PRH1: variants seen among roughly 807,000 people sequenced by gnomAD.
PRH1 encodes salivary acidic proline-rich phosphoprotein 1/2.
A neutral mutation model predicts 7.9 loss-of-function variants in PRH1; 7 were observed. The observed-to-expected ratio is 0.89, with a 90% CI of 0.50 to 1.67. The LOEUF (loss-of-function observed/expected upper bound fraction) is 1.67. PRH1 is among the 40% of genes most tolerant of loss of function. The pLI is 0.00. For missense variants in PRH1, 109 were observed against 223.6 expected (o/e 0.49, Z 3.27); for synonymous variants, 45 against 80.8 (o/e 0.56, Z 2.38).
chr12:10,936,730 T>C (rs1950294458), intron 2 of PRH1, among the ~76,000 whole-genome samples: 1 of 152,154 alleles, frequency 6.6e-6, no homozygotes, highest in Admixed American at 6.6e-5. Context: ...TTCCTCTTTT[T>C]ATAAAGACAC....
At chr12:10,983,265 C>T (rs986126750) in intron 1 of PRH1, among the ~76,000 whole-genome samples, 3 of 152,138 alleles carry the variant, frequency 2.0e-5, no homozygotes, top group Non-Finnish European at 4.4e-5. Context: ...AAGATTAATC[C>T]AAGCATAAAG....
intron 1 of PRH1, among the ~76,000 whole-genome samples, chr12:11,010,276 T>A (rs904463671): frequency 6.6e-6 from 1 of 151,928 alleles, no homozygotes; most frequent in African/African-American, 2.4e-5. Context: ...GAAAAATAAA[T>A]CATTTAATGA....
At chr12:11,051,902 G>A (rs1370743997), upstream of PRH1, among the ~76,000 whole-genome samples, 3 of 139,492 alleles carry the variant, frequency 2.2e-5, no homozygotes, top group African/African-American at 7.6e-5. Flanking sequence ...TGTACATATG[G>A]GCAGCTTCTT....
chr12:11,035,780 C>G lies in PRH1; in HGVS notation c.-126+11240G>C, dbSNP rs539676375. ...CATCACCACAAACTCTTTTCACAGG[C>G]AAATTCAATGAGCAGCACTGGATCT... On this transcript the variant is annotated intron_variant, in intron 1 of 3. Coordinates refer to the PRH1 transcript ENST00000539853. 1.2e-4 allele frequency among the ~76,000 whole-genome samples: 19 copies of G among 152,258 alleles called. No homozygotes were observed. In the South Asian group the frequency reaches 2.9e-3, roughly 23 times the overall value.
intron 1 of PRH1, among the ~76,000 whole-genome samples, chr12:11,035,960 C>A (rs909234252): frequency 1.3e-5 from 2 of 152,176 alleles, no homozygotes; most frequent in Admixed American, 1.3e-4. Flanking sequence ...GTGGCGCGAT[C>A]TCGGCTCACT....
intron 1 of PRH1, among the ~76,000 whole-genome samples, chr12:11,068,365 CCT>C (rs1292430239): frequency 3.3e-5 from 5 of 152,152 alleles, no homozygotes; most frequent in African/African-American, 9.7e-5. Flanking sequence ...CTTGATAATT[CCT>C]CTCACATTTG....
chr12:10,974,282 G>A (rs7295278), intron 1 of PRH1, among the ~76,000 whole-genome samples: 32,423 of 152,122 alleles, frequency 0.21, 3,534 homozygotes, highest in Non-Finnish European at 0.23. Flanking sequence ...CCCAGTCTAC[G>A]AGTGTGTACT....
At chr12:11,021,596 T>C in intron 1 of PRH1, 1 of 1,155,474 alleles carries the variant, frequency 8.7e-7, no homozygotes, top group East Asian at 2.4e-5. Flanking sequence ...CCAGACACCA[T>C]CAGTTTGTTT....
chr12:11,138,822 T>C (rs969691822), intron 1 of PRH1, among the ~76,000 whole-genome samples: 7 of 152,100 alleles, frequency 4.6e-5, no homozygotes, highest in African/African-American at 7.2e-5. Flanking sequence ...GTGGATTGCC[T>C]GAGCACAGGA....
intron 1 of PRH1, among the ~76,000 whole-genome samples, chr12:10,999,490 T>C (rs1357467211): frequency 3.3e-5 from 5 of 152,146 alleles, no homozygotes; most frequent in Non-Finnish European, 7.4e-5. Flanking sequence ...AATTTTTACG[T>C]GACATTTCTC....
At chr12:11,128,119 AAAAAAG>A (rs1277744612) in intron 1 of PRH1, among the ~76,000 whole-genome samples, 4 of 151,244 alleles carry the variant, frequency 2.6e-5, no homozygotes, top group Non-Finnish European at 5.9e-5. Context: ...TCAAAAAAAA[AAAAAAG>A]AAAAAGAAAA....
intron 1 of PRH1, chr12:10,986,751 T>C (rs1194902901): frequency 6.2e-7 from 1 of 1,611,556 alleles, no homozygotes; most frequent in Admixed American, 1.7e-5. Flanking sequence ...CTTTTTTCTC[T>C]TCACCCAGTC....
chr12:10,978,971 T>C (rs2218820), intron 1 of PRH1, among the ~76,000 whole-genome samples: 68,251 of 151,996 alleles, frequency 0.45, 16,176 homozygotes, highest in Non-Finnish European at 0.52. Context: ...GGAATGCTTT[T>C]ATACTGCTGG....
At chr12:10,940,996 T>C (rs1950390300) in intron 2 of PRH1, among the ~76,000 whole-genome samples, 1 of 152,130 alleles carries the variant, frequency 6.6e-6, no homozygotes, top group African/African-American at 2.4e-5. Context: ...TGGACAAATA[T>C]TAAGGAAAAA....
At chr12:11,046,617 C>T (rs1392330251) in intron 1 of PRH1, among the ~76,000 whole-genome samples, 1 of 152,136 alleles carries the variant, frequency 6.6e-6, no homozygotes, top group Admixed American at 6.5e-5. Context: ...GCTGACCTCT[C>T]TCTAGTATCT....
chr12:10,996,860 C>G (rs117458236), intron 1 of PRH1: 1 of 1,361,786 alleles, frequency 7.3e-7, no homozygotes, highest in Non-Finnish European at 9.9e-7. Context: ...ACATAGACTA[C>G]GGAAAAACTT....
intron 1 of PRH1, among the ~76,000 whole-genome samples, chr12:11,138,060 GATTT>G (rs1377248660): frequency 2.0e-5 from 3 of 152,060 alleles, no homozygotes; most frequent in Admixed American, 1.3e-4. Flanking sequence ...TATTTTCAAT[GATTT>G]ATTTGCTTTT....
chr12:11,096,189 A>T lies in PRH1; in HGVS notation n.124-49001T>A, dbSNP rs1339800258. Among the ~76,000 whole-genome samples the T allele has an allele frequency of 2.6e-5, 3 of 115,412 alleles. 1 individual carries two copies. The highest frequency in any genetic ancestry group is 6.2e-5 in the Non-Finnish European group (3 of 48,734). 75.7% of individuals were successfully genotyped at this position (115,412 alleles called of 152,430 possible). A position where few individuals can be genotyped will look rare whatever the true frequency, so the allele number is the denominator to read the frequency against. The stretch of plus-strand genomic sequence containing the variant: ...CTCTTCTAATCTTCTGGAACTGCAG[A>T]AGTATGTTAGTTGTTCTGATTGTAG... On this transcript the variant is annotated intron_variant and non_coding_transcript_variant, in intron 1 of 4. Coordinates refer to the PRH1 transcript ENST00000541977.
chr12:11,171,494 C>T, upstream of PRH1: 1 of 1,232,420 alleles, frequency 8.1e-7, no homozygotes, highest in Non-Finnish European at 1.0e-6. Context: ...GGCAGCTGCG[C>T]ATGAACTTCC....
Sources: allele counts gnomAD v4.1 joint callset (sites outside exome capture counted in the v4.1 genomes callset), GRCh38; gene constraint gnomAD v4.1.1; transcripts MANE v1.5; gene names NCBI Gene and HGNC (gene_info 2026-07-23, HGNC 2026-07-21).